The following ZBTB20 variants were observed in gnomAD, a reference collection of about 807,000 sequenced individuals.
ZBTB20 encodes zinc finger and BTB domain-containing protein 20.
A neutral mutation model predicts 56.9 loss-of-function variants in ZBTB20; 9 were observed. The observed-to-expected ratio is 0.16, with a 90% CI of 0.10 to 0.28. The LOEUF is 0.28. Among genes scored for constraint, ZBTB20 ranks in the 10% least tolerant of loss-of-function variants. ZBTB20 has a pLI of 1.00. For synonymous variants in ZBTB20, 417 were observed against 420.7 expected (o/e 0.99, Z 0.11); for missense variants, 655 against 1,003.0 (o/e 0.65, Z 4.69).
At chr3:114,994,459 T>C (rs2108173589) in intron 2 of ZBTB20, among the ~76,000 whole-genome samples, 1 of 152,022 alleles carries the variant, frequency 6.6e-6, no homozygotes, top group Non-Finnish European at 1.5e-5. Flanking sequence ...GAGCACTTAG[T>C]GTCTTAGTAA....
intron 7 of ZBTB20, among the ~76,000 whole-genome samples, chr3:114,422,662 A>G (rs553797107): frequency 1.3e-5 from 2 of 152,294 alleles, no homozygotes; most frequent in Admixed American, 1.3e-4. Flanking sequence ...CTTGGTCCTG[A>G]AAATTACATT....
chr3:114,900,887 T>G (rs562333311), intron 3 of ZBTB20, among the ~76,000 whole-genome samples: 20 of 152,296 alleles, frequency 1.3e-4, no homozygotes, highest in African/African-American at 4.8e-4. Flanking sequence ...TGAAATTGAT[T>G]GCTACAAGAA....
chr3:114,339,526 A>C lies in ZBTB20; in HGVS notation c.1805-100T>G, dbSNP rs1038322446. On this transcript the variant is annotated intron_variant, in intron 11 of 11. Transcript: ENST00000675478. The surrounding 1 kb of genome is among the most constrained non-coding windows in gnomAD (Gnocchi z 4.2). ...AACAAGACAACAAAAAAGAAAAATAAAACAATTAAAAAATAAAATTTGATT... is the reference window on the plus strand; with the variant it reads ...AACAAGACAACAAAAAAGAAAAATACAACAATTAAAAAATAAAATTTGATT... 7.6e-7 allele frequency: 1 copy of C among 1,311,832 alleles called. No individual in the cohort carries two copies. Among genetic ancestry groups the C allele is most frequent in the Non-Finnish European group, 1.0e-6 (1 of 982,300 alleles). 81.3% of individuals were successfully genotyped at this position (1,311,832 alleles called of 1,614,324 possible). A position where few individuals can be genotyped will look rare whatever the true frequency, so the allele number is the denominator to read the frequency against.
intron 7 of ZBTB20, among the ~76,000 whole-genome samples, chr3:114,423,952 C>T (rs1371209702): frequency 6.6e-6 from 1 of 152,218 alleles, no homozygotes; most frequent in African/African-American, 2.4e-5. Context: ...AGGGAACCAA[C>T]CTCATGTGAA....
At chr3:114,478,983 C>G (rs1241957361) in intron 7 of ZBTB20, among the ~76,000 whole-genome samples, 2 of 151,914 alleles carry the variant, frequency 1.3e-5, no homozygotes, top group African/African-American at 2.4e-5. Context: ...TGTGCCAGCT[C>G]TAGCAAGCTC....
intron 3 of ZBTB20, among the ~76,000 whole-genome samples, chr3:114,930,006 AAC>A (rs1211020019): frequency 6.6e-6 from 1 of 152,258 alleles, no homozygotes; most frequent in Non-Finnish European, 1.5e-5. Flanking sequence ...ATAAGAGTAC[AAC>A]AGAGTTCAGA....
intron 1 of ZBTB20, among the ~76,000 whole-genome samples, chr3:115,087,921 G>A (rs939774462): frequency 2.6e-5 from 4 of 151,980 alleles, no homozygotes; most frequent in African/African-American, 9.7e-5. Context: ...ACAGACTTTG[G>A]TTTAAGGAAA....
At chr3:114,652,639 C>G (rs1356933833) in intron 6 of ZBTB20, among the ~76,000 whole-genome samples, 1 of 151,888 alleles carries the variant, frequency 6.6e-6, no homozygotes, top group African/African-American at 2.4e-5. Context: ...GTGAGTCTTT[C>G]AACTTTATTC....
Position 114,778,522 on chromosome 3 carries a change from T to C in ZBTB20, c.-343+22579A>G, listed in dbSNP as rs576193954. ...CTAAAAATACACCTGAACTCTATGA[T>C]TCTTCTTAGCTATATGGCTTTTCAA... On this transcript the variant is annotated intron_variant, in intron 5 of 11. Coordinates refer to ENST00000675478, the MANE Select transcript of ZBTB20 (RefSeq NM_001348800.3). 1.4e-3 allele frequency among the ~76,000 whole-genome samples: 208 copies of C among 152,266 alleles called. 1 individual carries two copies. The highest frequency in any genetic ancestry group is 7.5e-3 in the South Asian group (36 of 4,820).
intron 1 of ZBTB20, among the ~76,000 whole-genome samples, chr3:115,078,637 A>T (rs1435013276): frequency 6.7e-6 from 1 of 149,184 alleles, no homozygotes; most frequent in Non-Finnish European, 1.5e-5. Flanking sequence ...ATATATATAT[A>T]TATGAAGAGT....
At position 114,714,555 on chromosome 3, in the gene ZBTB20, A is replaced by G. The variant is rs186298472; in HGVS notation, c.-342-20980T>C. Among the ~76,000 whole-genome samples the G allele has an allele frequency of 2.5e-4, 38 of 150,868 alleles. No individual in the cohort carries two copies. The East Asian group carries it at 7.1e-3, about 28-fold the overall frequency. On this transcript the variant is annotated intron_variant, in intron 5 of 11. Coordinates refer to ENST00000675478, the MANE Select transcript of ZBTB20 (RefSeq NM_001348800.3). Reference sequence around the variant, plus strand: ...AAGCATTTCAGGAAAAAAAAAAAAAAGCTAAATAAAGATCACAGCCTGTTC... The same window carrying G: ...AAGCATTTCAGGAAAAAAAAAAAAAGGCTAAATAAAGATCACAGCCTGTTC...
intron 1 of ZBTB20, among the ~76,000 whole-genome samples, chr3:115,113,895 T>G (rs1367485248): frequency 6.6e-6 from 1 of 152,156 alleles, no homozygotes; most frequent in Non-Finnish European, 1.5e-5. Context: ...TTCCAACACT[T>G]TTGTAATCAA....
intron 6 of ZBTB20, among the ~76,000 whole-genome samples, chr3:114,668,150 T>C (rs60033378): frequency 0.097 from 14,689 of 151,986 alleles, 1,492 homozygotes; most frequent in African/African-American, 0.23. Flanking sequence ...ATCCTGTACA[T>C]AGATGTCTGA....
intron 5 of ZBTB20, among the ~76,000 whole-genome samples, chr3:114,729,188 C>G (rs1172252506): frequency 6.6e-6 from 1 of 152,208 alleles, no homozygotes; most frequent in Non-Finnish European, 1.5e-5. Flanking sequence ...CTAACATACT[C>G]TTTGCAAGAA....
intron 1 of ZBTB20, among the ~76,000 whole-genome samples, chr3:115,074,086 T>A (rs1193133687): frequency 6.6e-6 from 1 of 152,160 alleles, no homozygotes; most frequent in Non-Finnish European, 1.5e-5. Flanking sequence ...GAATCCTAAA[T>A]AATCTAATTA....
chr3:114,872,513 G>A (rs2107545400), intron 4 of ZBTB20, among the ~76,000 whole-genome samples: 1 of 152,104 alleles, frequency 6.6e-6, no homozygotes, highest in South Asian at 2.1e-4. Context: ...AGATGTAATG[G>A]GAGAGAAAAT....
intron 7 of ZBTB20, among the ~76,000 whole-genome samples, chr3:114,470,871 C>T (rs1450203944): frequency 2.6e-5 from 4 of 152,148 alleles, no homozygotes; most frequent in Admixed American, 2.0e-4. Flanking sequence ...CCTTACGACT[C>T]TAAAATTCAT....
intron 3 of ZBTB20, among the ~76,000 whole-genome samples, chr3:114,913,367 C>T (rs1399162382): frequency 2.0e-5 from 3 of 151,914 alleles, no homozygotes; most frequent in East Asian, 1.9e-4. Context: ...TACCAGTTTG[C>T]GATTTGTATG....
At chr3:114,663,038 C>T (rs1307127266) in intron 6 of ZBTB20, among the ~76,000 whole-genome samples, 8 of 149,372 alleles carry the variant, frequency 5.4e-5, no homozygotes, top group Admixed American at 1.3e-4. Context: ...ATACAGAGAA[C>T]GCCACAAAGA....
Sources: gnomAD v4.1 joint callset for allele counts (sites outside exome capture counted in the v4.1 genomes callset) on GRCh38, gnomAD v4.1.1 for gene constraint, Gnocchi (gnomAD v3.1) non-coding constraint, MANE v1.5 for transcripts, NCBI Gene and HGNC (gene_info 2026-07-23, HGNC 2026-07-21) for gene names.